Variants in NAA60 observed in about 807,000 individuals in gnomAD.
The protein encoded by NAA60 is N-alpha-acetyltransferase 60.
A neutral mutation model predicts 26.1 loss-of-function variants in NAA60; 8 were observed. The observed-to-expected ratio is 0.31, with a 90% CI of 0.18 to 0.55. NAA60 has a LOEUF of 0.55. Ranked by LOEUF, NAA60 falls within the 20% of genes least tolerant of loss-of-function variation. The pLI is 0.93. For synonymous variants in NAA60, 131 were observed against 122.5 expected (o/e 1.07, Z -0.46); for missense variants, 290 against 311.3 (o/e 0.93, Z 0.51).
At chr16:3,468,896 T>G (rs2035935605) in intron 2 of NAA60, among the ~76,000 whole-genome samples, 1 of 152,152 alleles carries the variant, frequency 6.6e-6, no homozygotes, top group Admixed American at 6.5e-5. Context: ...AACATTGGCC[T>G]GACAAGGCCA....
At position 3,486,694 on chromosome 16, in the gene NAA60, C is replaced by T. The variant is rs1795443092; in HGVS notation, c.*1434C>T. On this transcript the variant is annotated 3_prime_UTR_variant, in exon 8 of 8. Coordinates refer to ENST00000407558, the MANE Select transcript of NAA60 (RefSeq NM_001083601.3). Reference sequence around the variant, plus strand: ...GCCGCACCATGCTGACTGCCTGAATCTCTGCTGAGGCTGCCTGCCTGCCGG... The same window carrying T: ...GCCGCACCATGCTGACTGCCTGAATTTCTGCTGAGGCTGCCTGCCTGCCGG... 6.6e-6 allele frequency: 1 copy of T among 152,374 alleles called. No homozygotes were observed. Among genetic ancestry groups the T allele is most frequent in the South Asian group, 2.1e-4 (1 of 4,830 alleles). 9.4% of individuals were successfully genotyped at this position (152,374 alleles called of 1,614,324 possible).
chr16:3,460,394 C>T (rs1204000201), intron 2 of NAA60, among the ~76,000 whole-genome samples: 1 of 152,134 alleles, frequency 6.6e-6, no homozygotes, highest in Non-Finnish European at 1.5e-5. Context: ...GATAGGTTCT[C>T]ACTCTGTCGC....
chr16:3,471,186 A>G (rs2036117172), intron 2 of NAA60, among the ~76,000 whole-genome samples: 1 of 152,138 alleles, frequency 6.6e-6, no homozygotes, highest in African/African-American at 2.4e-5. Flanking sequence ...CACAATATAG[A>G]GATTTGTGAA....
chr16:3,469,515 G>A (rs60295613), intron 2 of NAA60, among the ~76,000 whole-genome samples: 3,659 of 80,700 alleles, frequency 0.045, 65 homozygotes, highest in Middle Eastern at 0.083. Context: ...TTGCTGCTCC[G>A]CACAGCACTG....
At chr16:3,477,093 A>G (rs955294369) in intron 3 of NAA60, among the ~76,000 whole-genome samples, 4 of 152,178 alleles carry the variant, frequency 2.6e-5, no homozygotes, top group Admixed American at 6.6e-5. Flanking sequence ...AGAAAATAGT[A>G]TGTACCACGA....
In NAA60 at chr16:3,484,958, C is replaced by T. The variant is rs2037077380; in HGVS notation, c.*103C>T. ...CTGTTTTCTGCAAGGAGCTGCCAGC[C>T]ATCTAACTGGGCTCGTCGGCCTGCC... On this transcript the variant is annotated 3_prime_UTR_variant, in exon 7 of 8. Coordinates refer to ENST00000407558, the MANE Select transcript of NAA60 (RefSeq NM_001083601.3). 2.0e-6 allele frequency: 3 copies of T among 1,533,814 alleles called. No homozygotes were observed. Among genetic ancestry groups the T allele is most frequent in the East Asian group, 2.5e-5 (1 of 40,746 alleles).
In NAA60 at chr16:3,486,663, G is replaced by C. The variant is rs1426942924; in HGVS notation, c.*1403G>C. 1 of 152,218 alleles carries C rather than the reference G, an allele frequency of 6.6e-6. No individual in the cohort carries two copies. Among genetic ancestry groups the C allele is most frequent in the Admixed American group, 6.6e-5 (1 of 15,250 alleles). 9.4% of individuals were successfully genotyped at this position (152,218 alleles called of 1,614,324 possible). A position where few individuals can be genotyped will look rare whatever the true frequency, so the allele number is the denominator to read the frequency against. On this transcript the variant is annotated 3_prime_UTR_variant, in exon 8 of 8. Coordinates refer to ENST00000407558, the MANE Select transcript of NAA60 (RefSeq NM_001083601.3). ...CCTCTGCTGACCTGACAGTGCTGGC[G>C]GGAGGGCCGCACCATGCTGACTGCC... is the stretch of plus-strand genomic sequence containing the variant.
At chr16:3,464,377 G>C (rs1167635458) in intron 2 of NAA60, among the ~76,000 whole-genome samples, 1 of 152,144 alleles carries the variant, frequency 6.6e-6, no homozygotes, top group African/African-American at 2.4e-5. Flanking sequence ...GAAGCAGAGA[G>C]TAAAAAGCAA....
intron 2 of NAA60, chr16:3,450,200 A>C (rs1316568854): frequency 7.4e-5 from 26 of 350,202 alleles, no homozygotes; most frequent in East Asian, 2.0e-4. Context: ...TGCTAGTCTC[A>C]TGGAGCTTTT....
In NAA60 at chr16:3,443,725, G is replaced by T. The variant is rs1470908014; in HGVS notation, c.-189G>T. 7 of 1,478,818 alleles carry T rather than the reference G, an allele frequency of 4.7e-6. No individual in the cohort carries two copies. The highest frequency in any genetic ancestry group is 1.3e-5 in the South Asian group (1 of 77,496). The allele number at this position is 1,478,818 out of a possible 1,614,324, so 91.6% of individuals were successfully genotyped here. On this transcript the variant is annotated 5_prime_UTR_variant, in exon 1 of 8. Transcript: ENST00000407558. ...TCCTCCGTGAGCTCCGGGCCTGTTT[G>T]CCTGCTGAAGTAGAGTCTTAGGGTG...
At chr16:3,459,658 C>T (rs911252055) in intron 2 of NAA60, among the ~76,000 whole-genome samples, 1 of 152,164 alleles carries the variant, frequency 6.6e-6, no homozygotes, top group Non-Finnish European at 1.5e-5. Context: ...ACTGAAGTTG[C>T]AGACACTGTG....
At chr16:3,482,361 G>C in intron 4 of NAA60, 141 bp from the exon 5 acceptor site, 1 of 693,490 alleles carries the variant, frequency 1.4e-6, no homozygotes, top group East Asian at 2.7e-5. Context: ...CCCCTCTCCA[G>C]TACCTCTTGA....
intron 3 of NAA60, among the ~76,000 whole-genome samples, chr16:3,478,160 C>T (rs760485122): frequency 2.0e-5 from 3 of 152,094 alleles, no homozygotes; most frequent in African/African-American, 7.2e-5. Context: ...CACTTGAACC[C>T]GCGAGTCAGA....
intron 2 of NAA60, among the ~76,000 whole-genome samples, chr16:3,474,111 G>A (rs1056436108): frequency 3.3e-5 from 5 of 152,228 alleles, no homozygotes; most frequent in Admixed American, 1.3e-4. Flanking sequence ...AGGGCGGGGT[G>A]GGGGGTGTGA....
intron 1 of NAA60, among the ~76,000 whole-genome samples, chr16:3,446,447 C>A (rs959334303): frequency 2.7e-5 from 4 of 148,712 alleles, no homozygotes; most frequent in Admixed American, 6.8e-5. Flanking sequence ...AGGAGAATGG[C>A]GTGAACCTGG....
intron 2 of NAA60, chr16:3,458,277 C>T (rs1260158403): frequency 1.1e-5 from 9 of 796,148 alleles, no homozygotes; most frequent in Non-Finnish European, 1.1e-5. Context: ...TCAGGGGGGC[C>T]AGCGCCCACC....
At chr16:3,450,496 C>T (rs985809208) in intron 2 of NAA60, among the ~76,000 whole-genome samples, 5 of 151,836 alleles carry the variant, frequency 3.3e-5, no homozygotes, top group South Asian at 2.1e-4. Context: ...GTCAGGAGAT[C>T]GAGACCATCC....
intron 2 of NAA60, among the ~76,000 whole-genome samples, chr16:3,460,923 T>G (rs542359011): frequency 1.3e-5 from 2 of 152,302 alleles, no homozygotes; most frequent in East Asian, 3.9e-4. Flanking sequence ...ATATCATTAT[T>G]TTGATATGTA....
chr16:3,483,285 G>A, intron 5 of NAA60, 78 bp from the exon 6 acceptor site: 2 of 1,071,188 alleles, frequency 1.9e-6, no homozygotes, highest in Non-Finnish European at 1.4e-6. Flanking sequence ...AGAGACTCAT[G>A]CAAAGCCCCC....
Sources: allele counts gnomAD v4.1 joint callset (sites outside exome capture counted in the v4.1 genomes callset), GRCh38; gene constraint gnomAD v4.1.1; transcripts MANE v1.5; gene names NCBI Gene and HGNC (gene_info 2026-07-23, HGNC 2026-07-21).